TGFA: variants seen among roughly 807,000 people sequenced by gnomAD.
TGFA encodes the protein protransforming growth factor alpha.
In TGFA, 12 loss-of-function variants were observed where a neutral mutation model predicts 21.7. That is an observed-to-expected ratio of 0.55 (90% CI 0.35 to 0.90). The LOEUF is 0.90. Among genes scored for constraint, TGFA ranks in the 40% least tolerant of loss-of-function variants. TGFA has a pLI of 0.01. For synonymous variants in TGFA, 79 were observed against 88.1 expected (o/e 0.90, Z 0.58); for missense variants, 178 against 210.8 (o/e 0.84, Z 0.96).
At chr2:70,528,985 C>A (rs1553503299) in intron 1 of TGFA, among the ~76,000 whole-genome samples, 3 of 152,182 alleles carry the variant, frequency 2.0e-5, no homozygotes. Context: ...TTTTAATTGT[C>A]CAGCATCCAC....
At chr2:70,548,348 A>C (rs1673380416) in intron 1 of TGFA, among the ~76,000 whole-genome samples, 1 of 152,208 alleles carries the variant, frequency 6.6e-6, no homozygotes, top group Admixed American at 6.5e-5. Flanking sequence ...GTTAAGCACC[A>C]ATCAACATTA....
intron 1 of TGFA, among the ~76,000 whole-genome samples, chr2:70,550,333 C>T (rs780906876): frequency 9.2e-5 from 14 of 151,984 alleles, no homozygotes; most frequent in Non-Finnish European, 1.6e-4. Flanking sequence ...CTTACAACAG[C>T]CTGTGAGGTG....
At chr2:70,527,970 C>T (rs373757071) in intron 1 of TGFA, among the ~76,000 whole-genome samples, 25 of 152,304 alleles carry the variant, frequency 1.6e-4, no homozygotes, top group African/African-American at 4.6e-4. Context: ...ACTGCTTAGT[C>T]GTGGATGAGC....
intron 2 of TGFA, among the ~76,000 whole-genome samples, chr2:70,510,998 A>G (rs1010201981): frequency 6.6e-5 from 10 of 152,116 alleles, no homozygotes; most frequent in Admixed American, 2.6e-4. Flanking sequence ...AAAAAAATGC[A>G]CAAGAAAGCC....
At chr2:70,462,881 A>C (rs1334838378) in intron 3 of TGFA, among the ~76,000 whole-genome samples, 1 of 152,112 alleles carries the variant, frequency 6.6e-6, no homozygotes, top group Non-Finnish European at 1.5e-5. Context: ...GTAGCCCCGC[A>C]CTTGGCCCAT....
In TGFA at chr2:70,448,286, A is replaced by G. The variant is rs1046189557; in HGVS notation, c.*2573T>C. 2.6e-5 allele frequency: 4 copies of G among 152,230 alleles called. No homozygotes were observed. In the East Asian group the frequency reaches 7.7e-4, roughly 29 times the overall value. The allele number at this position is 152,230 out of a possible 1,614,324, so 9.4% of individuals were successfully genotyped here. A position where few individuals can be genotyped will look rare whatever the true frequency, so the allele number is the denominator to read the frequency against. On this transcript the variant is annotated 3_prime_UTR_variant, in exon 6 of 6. Transcript: ENST00000295400. ...GAGCAGTGGGAAAAATCCAGGCTCC[A>G]TAAGAGTATTGGAGGCCTTTTAAAA...
At chr2:70,500,872 C>T (rs1389629532) in intron 2 of TGFA, among the ~76,000 whole-genome samples, 1 of 152,028 alleles carries the variant, frequency 6.6e-6, no homozygotes. Flanking sequence ...TGTCTCTTCA[C>T]ACTGTTGATT....
At position 70,450,765 on chromosome 2, in the gene TGFA, G is replaced by T; in HGVS notation, c.*94C>A. On this transcript the variant is annotated 3_prime_UTR_variant, in exon 6 of 6. Transcript: ENST00000295400. ...TACAGGCCAAGTAGGAAGGTCTGTGGCACACCCAGGCATCTCTGGCAGTGC... is the reference window on the plus strand; with the variant it reads ...TACAGGCCAAGTAGGAAGGTCTGTGTCACACCCAGGCATCTCTGGCAGTGC... 1 of 1,449,666 alleles carries T rather than the reference G, an allele frequency of 6.9e-7. No individual in the cohort carries two copies. Among genetic ancestry groups the T allele is most frequent in the South Asian group, 1.2e-5 (1 of 82,758 alleles). The allele number at this position is 1,449,666 out of a possible 1,614,324, so 89.8% of individuals were successfully genotyped here. A position where few individuals can be genotyped will look rare whatever the true frequency, so the allele number is the denominator to read the frequency against.
At chr2:70,492,681 C>G (rs1288250976) in intron 2 of TGFA, among the ~76,000 whole-genome samples, 1 of 152,154 alleles carries the variant, frequency 6.6e-6, no homozygotes, top group African/African-American at 2.4e-5. Context: ...AATTATTGAA[C>G]TGAATTCGTG....
intron 2 of TGFA, among the ~76,000 whole-genome samples, chr2:70,471,197 C>T (rs1670738386): frequency 6.6e-6 from 1 of 151,954 alleles, no homozygotes; most frequent in Non-Finnish European, 1.5e-5. Flanking sequence ...CCTGCCCCCA[C>T]CACCCAGGAA....
At chr2:70,511,133 G>T (rs1243749280) in intron 2 of TGFA, among the ~76,000 whole-genome samples, 2 of 152,124 alleles carry the variant, frequency 1.3e-5, no homozygotes, top group African/African-American at 4.8e-5. Context: ...TACTCCTGTT[G>T]CCCTATGCTC....
At chr2:70,493,336 C>T (rs568294532) in intron 2 of TGFA, among the ~76,000 whole-genome samples, 5 of 152,280 alleles carry the variant, frequency 3.3e-5, no homozygotes, top group South Asian at 2.1e-4. Flanking sequence ...CACTGCATGG[C>T]CTTGACGTGA....
At chr2:70,464,659 C>T (rs1188364919) in intron 3 of TGFA, among the ~76,000 whole-genome samples, 1 of 152,128 alleles carries the variant, frequency 6.6e-6, no homozygotes, top group Non-Finnish European at 1.5e-5. Context: ...ATATAGGTCC[C>T]CCTAATAGTA....
intron 2 of TGFA, chr2:70,467,765 G>T (rs1670614116): frequency 6.6e-6 from 1 of 152,190 alleles, no homozygotes; most frequent in Non-Finnish European, 1.5e-5. Flanking sequence ...AACTCCTGTT[G>T]CTATCTTTCT....
chr2:70,544,229 C>T (rs1223754395), intron 1 of TGFA, among the ~76,000 whole-genome samples: 1 of 151,936 alleles, frequency 6.6e-6, no homozygotes, highest in Admixed American at 6.6e-5. Context: ...ACAAGGATAT[C>T]TACTGCCTTT....
intron 1 of TGFA, among the ~76,000 whole-genome samples, chr2:70,519,513 G>A (rs1672385753): frequency 6.6e-6 from 1 of 152,212 alleles, no homozygotes; most frequent in Non-Finnish European, 1.5e-5. Flanking sequence ...GGTAAGAACT[G>A]ATTAAGAAGG....
At chr2:70,472,506 C>T (rs1222649918) in intron 2 of TGFA, among the ~76,000 whole-genome samples, 2 of 152,198 alleles carry the variant, frequency 1.3e-5, no homozygotes, top group African/African-American at 4.8e-5. Flanking sequence ...GGCCTGGAGC[C>T]CAACCCTACT....
At chr2:70,507,026 G>C (rs1671945809) in intron 2 of TGFA, among the ~76,000 whole-genome samples, 1 of 152,264 alleles carries the variant, frequency 6.6e-6, no homozygotes, top group Non-Finnish European at 1.5e-5. Context: ...AAATGCTGGG[G>C]ACAACTCATC....
In TGFA at chr2:70,449,598, GT is replaced by G; in HGVS notation, c.*1260del. On this transcript the variant is annotated 3_prime_UTR_variant, in exon 6 of 6. Transcript: ENST00000295400. The stretch of plus-strand genomic sequence containing the variant: ...CACATAGTGGAGGTGACTTGTTAGA[GT>G]TTTTGTTAATAAAGCCGGCATCCTG... 1 of 297,980 alleles carries G rather than the reference GT, an allele frequency of 3.4e-6. No individual in the cohort carries two copies. The allele number at this position is 297,980 out of a possible 1,614,324, so 18.5% of individuals were successfully genotyped here. A position where few individuals can be genotyped will look rare whatever the true frequency, so the allele number is the denominator to read the frequency against.
Sources: gnomAD v4.1 joint callset for allele counts (sites outside exome capture counted in the v4.1 genomes callset) on GRCh38, gnomAD v4.1.1 for gene constraint, MANE v1.5 for transcripts, NCBI Gene and HGNC (gene_info 2026-07-23, HGNC 2026-07-21) for gene names.